The following POR variants were observed in gnomAD, a reference collection of about 807,000 sequenced individuals.
The protein encoded by POR is cytochrome p450 oxidoreductase, also known as NADPH--cytochrome P450 reductase.
A neutral mutation model predicts 84.0 loss-of-function variants in POR; 56 were observed. That is an observed-to-expected ratio of 0.67 (90% CI 0.54 to 0.83). The LOEUF (loss-of-function observed/expected upper bound fraction) is 0.83. Ranked by LOEUF, POR falls within the 40% of genes least tolerant of loss-of-function variation. The pLI, the probability that POR is intolerant of heterozygous loss-of-function variation, is 0.00. For synonymous variants in POR, 414 were observed against 400.5 expected (o/e 1.03, Z -0.40); for missense variants, 938 against 944.3 (o/e 0.99, Z 0.09).
At chr7:75,936,715 C>T (rs1807703195) in intron 1 of POR, among the ~76,000 whole-genome samples, 1 of 152,010 alleles carries the variant, frequency 6.6e-6, no homozygotes, top group South Asian at 2.1e-4. Flanking sequence ...GTGATCTCTC[C>T]AGACTGTTGC....
chr7:75,933,435 C>G (rs1407449168), intron 1 of POR, among the ~76,000 whole-genome samples: 9 of 129,116 alleles, frequency 7.0e-5, no homozygotes, highest in Non-Finnish European at 1.3e-4. Flanking sequence ...GTTGCCCAGG[C>G]TGGAGTGCAA....
chr7:75,958,203 G>A (rs576355863), intron 2 of POR, among the ~76,000 whole-genome samples: 2 of 152,046 alleles, frequency 1.3e-5, no homozygotes, highest in Non-Finnish European at 2.9e-5. Flanking sequence ...TGCAACCTCC[G>A]CCTCCCAGGC....
In POR at chr7:75,986,046, T is replaced by C. The variant is rs1159261794; in HGVS notation, c.1793T>C (p.Phe598Ser). Residue 598 changes from phenylalanine (F) to serine (S), a missense_variant, in exon 14 of 16, where the codon TTC (phenylalanine) becomes TCC (serine). Physicochemically the swap from Phe to Ser is radical, Grantham distance 155 (BLOSUM62 -2). Coordinates refer to ENST00000461988, the MANE Select transcript of POR (RefSeq NM_000941.3). ...GCGCTCACCCAGCTCAACGTGGCCT[T>C]CTCCCGGGAGCAGTCCCACAAGGTG... is the stretch of plus-strand genomic sequence containing the variant. The C allele has an allele frequency of 6.4e-7, 1 of 1,560,094 alleles. No individual in the cohort carries two copies. Among genetic ancestry groups the C allele is most frequent in the African/African-American group, 1.4e-5 (1 of 73,500 alleles).
intron 1 of POR, among the ~76,000 whole-genome samples, chr7:75,953,396 G>A (rs1206012414): frequency 6.6e-6 from 1 of 151,636 alleles, no homozygotes; most frequent in African/African-American, 2.4e-5. Context: ...AGGAAAGCAG[G>A]CATTCACCAT....
chr7:75,985,301 T>G, intron 12 of POR, 94 bp downstream of exon 12: 1 of 1,402,512 alleles, frequency 7.1e-7, no homozygotes, highest in Non-Finnish European at 9.4e-7. Flanking sequence ...CTCCGAGATC[T>G]GAGCCCTGAG....
In POR at chr7:75,985,141, C is replaced by T. The variant is rs923003103; in HGVS notation, c.1332C>T (p.Ile444=). 57 of 1,599,862 alleles carry T rather than the reference C, an allele frequency of 3.6e-5. No individual in the cohort carries two copies. The highest frequency in any genetic ancestry group is 1.6e-4 in the Middle Eastern group (1 of 6,082). Residue 444 remains isoleucine, a synonymous_variant, in exon 12 of 16, where the codon ATC becomes ATT. Coordinates refer to ENST00000461988, the MANE Select transcript of POR (RefSeq NM_000941.3). ...ACTGCCCGTCCCTGCGGCCCCCCAT[C>T]GACCACCTGTGTGAGCTGCTGCCGC...
chr7:75,984,998 C>G, intron 11 of POR, 40 bp downstream of exon 11: 1 of 1,577,712 alleles, frequency 6.3e-7, no homozygotes, highest in Non-Finnish European at 8.6e-7. Context: ...CCCCGTCACC[C>G]CGCCGTTTTC....
intron 2 of POR, chr7:75,970,838 G>T (rs1393787467): frequency 1.3e-5 from 2 of 151,784 alleles, no homozygotes; most frequent in African/African-American, 4.8e-5. Context: ...GATTTGTAGG[G>T]CTTTCTTACA....
At chr7:75,968,072 G>A in intron 2 of POR, 2 of 455,336 alleles carry the variant, frequency 4.4e-6, no homozygotes, top group Non-Finnish European at 8.8e-6. Context: ...GGAGCTGAGA[G>A]TGAGAAGCCA....
At chr7:75,949,445 T>C (rs1198552758) in intron 1 of POR, among the ~76,000 whole-genome samples, 3 of 151,600 alleles carry the variant, frequency 2.0e-5, no homozygotes, top group Non-Finnish European at 2.9e-5. Flanking sequence ...TGAGCCACTG[T>C]GCCTGGCCAC....
At chr7:75,930,628 T>G (rs549998413) in intron 1 of POR, among the ~76,000 whole-genome samples, 1 of 152,176 alleles carries the variant, frequency 6.6e-6, no homozygotes, top group East Asian at 1.9e-4. Flanking sequence ...GTTCAAGTGA[T>G]TCTCCTGCCT....
chr7:75,936,827 T>A (rs1554550881), intron 1 of POR, among the ~76,000 whole-genome samples: 1 of 142,570 alleles, frequency 7.0e-6, no homozygotes, highest in Non-Finnish European at 1.5e-5. Context: ...TTATTAATTT[T>A]TTTTTTTTTT....
intron 1 of POR, among the ~76,000 whole-genome samples, chr7:75,922,571 G>A (rs10261499): frequency 0.067 from 10,217 of 152,104 alleles, 1,088 homozygotes; most frequent in African/African-American, 0.23. Flanking sequence ...CAGTCTGCCC[G>A]CCTCGGCCTT....
intron 2 of POR, among the ~76,000 whole-genome samples, chr7:75,960,312 A>G (rs1787882134): frequency 6.6e-6 from 1 of 150,732 alleles, no homozygotes. Flanking sequence ...AATAATAATA[A>G]TAATAATATA....
intron 3 of POR, among the ~76,000 whole-genome samples, chr7:75,976,803 A>C (rs1319395391): frequency 2.6e-5 from 4 of 152,048 alleles, no homozygotes; most frequent in Non-Finnish European, 5.9e-5. Context: ...AAAATTCAGG[A>C]ACTTTAAAAA....
intron 2 of POR, among the ~76,000 whole-genome samples, chr7:75,971,681 A>G (rs571049367): frequency 6.6e-6 from 1 of 152,254 alleles, no homozygotes; most frequent in African/African-American, 2.4e-5. Flanking sequence ...GGCCCAGTGC[A>G]GGGGAAGCAG....
At chr7:75,932,642 CAT>C (rs1554550282) in intron 1 of POR, among the ~76,000 whole-genome samples, 1 of 151,758 alleles carries the variant, frequency 6.6e-6, no homozygotes, top group African/African-American at 2.4e-5. Flanking sequence ...AATATAATGA[CAT>C]TTGAGAATTT....
At chr7:75,984,517 C>T (rs1170573399) in intron 10 of POR, among the ~76,000 whole-genome samples, 3 of 152,160 alleles carry the variant, frequency 2.0e-5, no homozygotes, top group Non-Finnish European at 2.9e-5. Context: ...GAAAGCACAG[C>T]GGGTGCGTTA....
intron 1 of POR, among the ~76,000 whole-genome samples, chr7:75,927,532 G>A (rs140490682): frequency 2.3e-4 from 35 of 152,242 alleles, no homozygotes; most frequent in South Asian, 4.1e-4. Context: ...GCTGATGAGT[G>A]TGGGATTTCC....
Sources: gnomAD v4.1 joint callset for allele counts (sites outside exome capture counted in the v4.1 genomes callset) on GRCh38, gnomAD v4.1.1 for gene constraint, MANE v1.5 for transcripts, NCBI Gene and HGNC (gene_info 2026-07-23, HGNC 2026-07-21) for gene names.